Variants in GATM observed in about 807,000 individuals in gnomAD.
The protein encoded by GATM is glycine amidinotransferase.
GATM carries 23 observed loss-of-function variants against 54.2 expected under a neutral mutation model. The observed-to-expected ratio is 0.42, with a 90% CI of 0.31 to 0.60. The LOEUF (loss-of-function observed/expected upper bound fraction) is 0.60. Among genes scored for constraint, GATM ranks in the 20% least tolerant of loss-of-function variants. The pLI is 0.14. For synonymous variants in GATM, 168 were observed against 183.1 expected, an observed-to-expected ratio of 0.92 and a Z score of 0.67; for missense variants, 401 against 544.9, an observed-to-expected ratio of 0.74 and a Z score of 2.63.
At chr15:45,383,229 C>A (rs1193258211), upstream of GATM, among the ~76,000 whole-genome samples, 1 of 152,220 alleles carries the variant, frequency 6.6e-6, no homozygotes, top group African/African-American at 2.4e-5. Context: ...AGCCTCTGCA[C>A]TGTCCCTTAC....
Position 45,369,323 on chromosome 15 carries a change from T to A in GATM, c.484+3A>T. 1 of 1,613,112 alleles carries A rather than the reference T, an allele frequency of 6.2e-7. No homozygotes were observed. On this transcript the variant is annotated splice_donor_region_variant and intron_variant, in intron 3 of 8. Coordinates refer to ENST00000396659, the MANE Select transcript of GATM (RefSeq NM_001482.3). ...GGCAGTTTAGTTATCTGACATCACT[T>A]ACCCGTAGACTCAAAATCAGGAGTT...
upstream of GATM, among the ~76,000 whole-genome samples, chr15:45,380,319 CATA>C (rs1345179845): frequency 6.6e-6 from 1 of 151,396 alleles, no homozygotes; most frequent in East Asian, 1.9e-4. Flanking sequence ...CCCCAAATGC[CATA>C]ATATGGTGAA....
intron 3 of GATM, among the ~76,000 whole-genome samples, chr15:45,383,930 CAT>C (rs1388185710): frequency 6.6e-6 from 1 of 152,212 alleles, no homozygotes; most frequent in African/African-American, 2.4e-5. Flanking sequence ...AAGAGCTTCA[CAT>C]GTTATTTCAT....
At chr15:45,371,444 G>A (rs1246126973) in intron 2 of GATM, among the ~76,000 whole-genome samples, 1 of 152,226 alleles carries the variant, frequency 6.6e-6, no homozygotes, top group African/African-American at 2.4e-5. Flanking sequence ...AGATATGACA[G>A]TCTCCACCAT....
intron 1 of GATM, among the ~76,000 whole-genome samples, chr15:45,400,736 T>G (rs1282812421): frequency 1.3e-5 from 2 of 152,200 alleles, no homozygotes; most frequent in Non-Finnish European, 2.9e-5. Context: ...AACCTTTACT[T>G]CTTGGCCATT....
At chr15:45,378,324 A>C (rs1273692604) in intron 1 of GATM, 61 bp downstream of exon 1, 1 of 1,365,496 alleles carries the variant, frequency 7.3e-7, no homozygotes, top group African/African-American at 1.5e-5. Context: ...CGAGTGCTCC[A>C]CGCCGCCCGC....
At position 45,369,507 on chromosome 15, in the gene GATM, T is replaced by C; in HGVS notation, c.303A>G (p.Glu101=). The change falls in exon 3 of 9, where the codon GAA becomes GAG. Residue 101 remains glutamate (E), a synonymous_variant. Coordinates refer to ENST00000396659, the MANE Select transcript of GATM (RefSeq NM_001482.3). The part of the protein sequence containing the change: ...FTIEVKANTY[E]KYWPFYQKQG... ...GCTTCTGGTAAAATGGCCAGTACTTTTCATATGTGTTGGCCTGGAAGTAGA... is the reference window on the plus strand; with the variant it reads ...GCTTCTGGTAAAATGGCCAGTACTTCTCATATGTGTTGGCCTGGAAGTAGA... The C allele has an allele frequency of 6.2e-7, 1 of 1,614,072 alleles. No homozygotes were observed. Among genetic ancestry groups the C allele is most frequent in the Non-Finnish European group, 8.5e-7 (1 of 1,179,942 alleles).
chr15:45,374,459 G>A (rs932614185), intron 2 of GATM, among the ~76,000 whole-genome samples: 2 of 152,164 alleles, frequency 1.3e-5, no homozygotes, highest in African/African-American at 4.8e-5. Flanking sequence ...GACTTTTCAA[G>A]AAAAGACTTA....
upstream of GATM, chr15:45,378,709 CCTT>C: frequency 2.6e-6 from 1 of 382,582 alleles, no homozygotes; most frequent in Non-Finnish European, 4.7e-6. Context: ...CGATGCTTGC[CCTT>C]TTTTAGCCAG....
intron 8 of GATM, 24 bp from the exon 9 acceptor site, chr15:45,362,245 C>A: frequency 1.5e-6 from 2 of 1,358,960 alleles, no homozygotes; most frequent in South Asian, 2.3e-5. Context: ...GAGATGAGGT[C>A]AGTTAGATGG....
intron 4 of GATM, among the ~76,000 whole-genome samples, chr15:45,366,770 C>T (rs532569283): frequency 9.9e-5 from 15 of 152,268 alleles, no homozygotes; most frequent in African/African-American, 3.4e-4. Flanking sequence ...GTTTCAGTTA[C>T]CTTCAGTCAA....
At chr15:45,364,696 A>G (rs1284192993) in intron 7 of GATM, 101 bp downstream of exon 7, 1 of 1,054,412 alleles carries the variant, frequency 9.5e-7, no homozygotes, top group Non-Finnish European at 1.5e-6. Context: ...GAGGAAACAC[A>G]TTCTCTAAGC....
chr15:45,366,071 G>A lies in GATM; in HGVS notation c.953C>T (p.Ser318Phe), dbSNP rs1286890267. Residue 318 changes from serine to phenylalanine, a missense_variant, in exon 6 of 9, where the codon TCC becomes TTC. This residue lies in a region of GATM where 321 missense variants were observed against 457.5 expected (regional missense o/e 0.70). Coordinates refer to ENST00000396659, the MANE Select transcript of GATM (RefSeq NM_001482.3). ...CTGGTGACATGGTCGGTCAGGGTTG[G>A]AAAGCACAATACCAGGTCCAATGAT... ...FNIIGPGIVL[S>F]NPDRPCHQID... 2 of 1,614,050 alleles carry A rather than the reference G, an allele frequency of 1.2e-6. No homozygotes were observed. Among genetic ancestry groups the A allele is most frequent in the African/African-American group, 2.7e-5 (2 of 74,932 alleles).
At chr15:45,381,987 T>A (rs1889746819), upstream of GATM, among the ~76,000 whole-genome samples, 1 of 152,240 alleles carries the variant, frequency 6.6e-6, no homozygotes, top group African/African-American at 2.4e-5. Flanking sequence ...TTTTCCACTG[T>A]AAGCCTTATT....
At chr15:45,377,028 CTTATCTA>C (rs1889650280) in intron 1 of GATM, 1 of 606,856 alleles carries the variant, frequency 1.6e-6, no homozygotes, top group Non-Finnish European at 3.0e-6. Context: ...AAATTGTCTT[CTTATCTA>C]TTAATTGCTG....
chr15:45,396,869 CAAA>C (rs57667717), intron 3 of GATM: 1,418 of 66,370 alleles, frequency 0.021, 14 homozygotes, highest in South Asian at 0.13. Flanking sequence ...GACTCCGTCT[CAAA>C]AAAAAAAAAA....
intron 1 of GATM, chr15:45,401,900 G>T (rs1345490259): frequency 6.5e-6 from 1 of 152,774 alleles, no homozygotes; most frequent in African/African-American, 2.4e-5. Context: ...CCCGATTACC[G>T]AAGGTCCCAA....
chr15:45,385,192 T>C (rs16942568), intron 3 of GATM, among the ~76,000 whole-genome samples: 48,526 of 152,060 alleles, frequency 0.32, 8,854 homozygotes, highest in East Asian at 0.83. Flanking sequence ...ATCCCTGGTG[T>C]TGCAGGAAAT....
intron 3 of GATM, among the ~76,000 whole-genome samples, chr15:45,389,769 G>C (rs1199380108): frequency 6.6e-6 from 1 of 152,168 alleles, no homozygotes; most frequent in Non-Finnish European, 1.5e-5. Context: ...GGCATCCAGG[G>C]ATGCACATAG....
Sources: allele counts gnomAD v4.1 joint callset (sites outside exome capture counted in the v4.1 genomes callset), GRCh38; gene constraint gnomAD v4.1.1; regional missense constraint gnomAD v4.1.1; transcripts MANE v1.5; gene names NCBI Gene and HGNC (gene_info 2026-07-23, HGNC 2026-07-21).